PRDM16: variants seen among roughly 807,000 people sequenced by gnomAD.
PRDM16 encodes histone-lysine N-methyltransferase PRDM16.
Under a neutral mutation model 110.6 loss-of-function variants are expected in PRDM16, and 23 were observed. That is an observed-to-expected ratio of 0.21 (90% CI 0.15 to 0.29). The LOEUF (loss-of-function observed/expected upper bound fraction) is 0.29, where lower values mean the gene tolerates loss of function less well. Among genes scored for constraint, PRDM16 ranks in the 10% least tolerant of loss-of-function variants. The pLI, the probability that PRDM16 is intolerant of heterozygous loss-of-function variation, is 1.00. For missense variants in PRDM16, 1,615 were observed against 1,794.3 expected (o/e 0.90, Z 1.81); for synonymous variants, 799 against 781.8 (o/e 1.02, Z -0.37).
chr1:3,267,926 C>T (rs917491436), intron 3 of PRDM16, among the ~76,000 whole-genome samples: 2 of 152,210 alleles, frequency 1.3e-5, no homozygotes, highest in African/African-American at 4.8e-5. Flanking sequence ...GGTGGAAACC[C>T]TGAGGAGTCC....
chr1:3,122,683 G>A (rs970626087), intron 1 of PRDM16, among the ~76,000 whole-genome samples: 1 of 151,180 alleles, frequency 6.6e-6, no homozygotes, highest in African/African-American at 2.4e-5. Flanking sequence ...CCCCCCCTCC[G>A]TGCTGCCCCC....
rs764414998 is a variant in PRDM16 at position 3,432,102 on chromosome 1, G to A, written c.3658G>A (p.Ala1220Thr). 3.1e-6 allele frequency: 5 copies of A among 1,613,984 alleles called. No homozygotes were observed. In the South Asian group the frequency reaches 3.3e-5, roughly 11 times the overall value. ...DVLNSTLDSE[A>T]LKHTLCRQAK... ...GCTTAATTCCACCTTAGATTCTGAG[G>A]CTTTAAAACATACACTGTGCAGGCA... Residue 1220 changes from alanine (A) to threonine (T), a missense_variant, in exon 16 of 17, where the codon GCT becomes ACT. Ala to Thr is a moderately conservative substitution (Grantham distance 58, BLOSUM62 0). Coordinates refer to ENST00000270722, the MANE Select transcript of PRDM16 (RefSeq NM_022114.4).
chr1:3,141,400 G>T (rs976820325), intron 1 of PRDM16, among the ~76,000 whole-genome samples: 1 of 152,214 alleles, frequency 6.6e-6, no homozygotes, highest in Non-Finnish European at 1.5e-5. Context: ...CGGCTTGAGC[G>T]CTGTCTGCAG....
chr1:3,082,189 G>A (rs1420611227), intron 1 of PRDM16, among the ~76,000 whole-genome samples: 1 of 152,092 alleles, frequency 6.6e-6, no homozygotes, highest in Non-Finnish European at 1.5e-5. Flanking sequence ...TGACCAGGAA[G>A]GTGGGAGGCC....
chr1:3,229,765 T>C (rs1394442070), intron 2 of PRDM16, among the ~76,000 whole-genome samples: 1 of 152,112 alleles, frequency 6.6e-6, no homozygotes, highest in Non-Finnish European at 1.5e-5. Flanking sequence ...AGCAGGTGTG[T>C]CTGTTTTTCT....
At position 3,201,978 on chromosome 1, in the gene PRDM16, G is replaced by A. The variant is rs1385429515; in HGVS notation, c.387+15504G>A. The stretch of plus-strand genomic sequence containing the variant: ...GCTTCAGTGGTGCCCGTACATAATA[G>A]TGGGTCCCACACGTCCATGAGGCAG... On this transcript the variant is annotated intron_variant, in intron 2 of 16. Coordinates refer to ENST00000270722, the MANE Select transcript of PRDM16 (RefSeq NM_022114.4). This position sits in a 1 kb window ranked among gnomAD's most constrained non-coding sequence, Gnocchi z 4.1. Among the ~76,000 whole-genome samples the A allele has an allele frequency of 6.6e-6, 1 of 152,192 alleles. No individual in the cohort carries two copies. The highest frequency in any genetic ancestry group is 1.5e-5 in the Non-Finnish European group (1 of 68,040).
chr1:3,135,758 C>T (rs987634623), intron 1 of PRDM16, among the ~76,000 whole-genome samples: 1 of 152,248 alleles, frequency 6.6e-6, no homozygotes, highest in African/African-American at 2.4e-5. Context: ...CAGGTATTCA[C>T]ACTGTTTAGG....
intron 8 of PRDM16, among the ~76,000 whole-genome samples, chr1:3,408,688 G>A (rs1643606307): frequency 6.7e-6 from 1 of 150,136 alleles, no homozygotes; most frequent in Non-Finnish European, 1.5e-5. Context: ...GAGCACGTGA[G>A]CCGGTGCATG....
rs560235826 is a variant in PRDM16 at position 3,178,468 on chromosome 1, C to T, written c.38-7657C>T. Among the ~76,000 whole-genome samples, 4 of 152,326 alleles carry T rather than the reference C, an allele frequency of 2.6e-5. No homozygotes were observed. The South Asian group carries it at 8.3e-4, about 32-fold the overall frequency. Reference sequence around the variant, plus strand: ...TTGGATGGGAAAAGTGCTTTGCAGCCCAGCTGCTGTTCTCCCGGAGGCCGG... The same window carrying T: ...TTGGATGGGAAAAGTGCTTTGCAGCTCAGCTGCTGTTCTCCCGGAGGCCGG... On this transcript the variant is annotated intron_variant, in intron 1 of 16. Transcript: ENST00000270722.
At chr1:3,119,640 C>T (rs1643046046) in intron 1 of PRDM16, among the ~76,000 whole-genome samples, 1 of 152,148 alleles carries the variant, frequency 6.6e-6, no homozygotes, top group Non-Finnish European at 1.5e-5. Flanking sequence ...AGAAGCCTGG[C>T]CATGGCCCGA....
At chr1:3,181,379 T>TACGGTCTTAC (rs1452752029) in intron 1 of PRDM16, among the ~76,000 whole-genome samples, 2 of 18,820 alleles carry the variant, frequency 1.1e-4, no homozygotes, top group Admixed American at 7.9e-4. Context: ...CACGCAGTCT[T>TACGGTCTTAC]ACACACGGCC....
intron 3 of PRDM16, among the ~76,000 whole-genome samples, chr1:3,271,060 G>A (rs1640441689): frequency 6.6e-6 from 1 of 152,318 alleles, no homozygotes; most frequent in East Asian, 1.9e-4. Flanking sequence ...AGTCCCGGCT[G>A]TGGCCGGCCT....
chr1:3,363,022 G>A (rs1642745146), intron 3 of PRDM16, among the ~76,000 whole-genome samples: 1 of 152,210 alleles, frequency 6.6e-6, no homozygotes, highest in Non-Finnish European at 1.5e-5. Flanking sequence ...TGCTCTCCAG[G>A]GAGCAGAGAG....
At chr1:3,377,822 G>A (rs184659395) in intron 3 of PRDM16, among the ~76,000 whole-genome samples, 128 of 152,314 alleles carry the variant, frequency 8.4e-4, no homozygotes, top group Admixed American at 1.4e-3. Flanking sequence ...CATTGATCAC[G>A]CGCAAACAGA....
intron 1 of PRDM16, among the ~76,000 whole-genome samples, chr1:3,161,821 G>A: frequency 6.6e-6 from 1 of 152,242 alleles, no homozygotes; most frequent in East Asian, 1.9e-4. Context: ...GCAGGATCTG[G>A]TGCGCCTGTC....
chr1:3,207,183 G>A (rs1638771542), intron 2 of PRDM16: 1 of 152,192 alleles, frequency 6.6e-6, no homozygotes, highest in African/African-American at 2.4e-5. Flanking sequence ...AAACCTCCTA[G>A]CCCAGCGCCA....
chr1:3,347,006 G>A (rs1002396157), intron 3 of PRDM16, among the ~76,000 whole-genome samples: 6 of 152,200 alleles, frequency 3.9e-5, no homozygotes, highest in East Asian at 1.9e-4. Context: ...CCAGAAGTGC[G>A]CAGCACTCAC....
intron 12 of PRDM16, among the ~76,000 whole-genome samples, chr1:3,421,158 C>G (rs1638415760): frequency 6.6e-6 from 1 of 152,180 alleles, no homozygotes; most frequent in African/African-American, 2.4e-5. Context: ...TCTTCCTCTT[C>G]CCTCACTTTT....
chr1:3,321,797 C>T (rs925750176), intron 3 of PRDM16, among the ~76,000 whole-genome samples: 52 of 133,154 alleles, frequency 3.9e-4, no homozygotes, highest in Non-Finnish European at 5.2e-4. Context: ...TGCAAGTGTG[C>T]GTGCGTGTGT....
Sources: gnomAD v4.1 joint callset for allele counts (sites outside exome capture counted in the v4.1 genomes callset) on GRCh38, gnomAD v4.1.1 for gene constraint, Gnocchi (gnomAD v3.1) non-coding constraint, MANE v1.5 for transcripts, NCBI Gene and HGNC (gene_info 2026-07-23, HGNC 2026-07-21) for gene names.